MTAP: variants seen among roughly 807,000 people sequenced by gnomAD.
MTAP encodes the protein S-methyl-5'-thioadenosine phosphorylase.
MTAP carries 33 observed loss-of-function variants against 33.6 expected under a neutral mutation model. The observed-to-expected ratio is 0.98, with a 90% CI of 0.74 to 1.31. The LOEUF (loss-of-function observed/expected upper bound fraction) is 1.31. MTAP is among the 40% of genes most tolerant of loss of function. MTAP has a pLI of 0.00. For missense variants in MTAP, 367 were observed against 360.0 expected (o/e 1.02, Z -0.16); for synonymous variants, 148 against 125.7 (o/e 1.18, Z -1.19).
chr9:21,911,874 G>A (rs545438447), intron 1 of MTAP, among the ~76,000 whole-genome samples: 106 of 151,938 alleles, frequency 7.0e-4, no homozygotes, highest in Non-Finnish European at 1.3e-3. Context: ...CAAAATTGAT[G>A]GACCACTAGC....
chr9:21,918,329 G>T lies in MTAP; in HGVS notation c.148-12679G>T, dbSNP rs567214035. On this transcript the variant is annotated intron_variant, in intron 1 of 1. Coordinates refer to the MTAP transcript ENST00000577563. ...CCCGCCACTGCACTCCAGCCTGGGCGACAGAACGAGACTCCGTCTCAAAAA... is the reference window on the plus strand; with the variant it reads ...CCCGCCACTGCACTCCAGCCTGGGCTACAGAACGAGACTCCGTCTCAAAAA... 1.1e-3 allele frequency among the ~76,000 whole-genome samples: 107 copies of T among 93,120 alleles called. 7 individuals carry two copies. Among genetic ancestry groups the T allele is most frequent in the African/African-American group, 7.0e-3 (103 of 14,748 alleles). The allele number at this position is 93,120 out of a possible 152,430, so 61.1% of individuals were successfully genotyped here. A position where few individuals can be genotyped will look rare whatever the true frequency, so the allele number is the denominator to read the frequency against.
intron 2 of MTAP, among the ~76,000 whole-genome samples, chr9:21,816,283 A>G (rs1482707273): frequency 6.6e-6 from 1 of 152,110 alleles, no homozygotes; most frequent in Non-Finnish European, 1.5e-5. Flanking sequence ...AGTCATTTCC[A>G]TGATCATCTT....
chr9:21,822,508 T>C (rs1054602844), intron 4 of MTAP, among the ~76,000 whole-genome samples: 4 of 152,210 alleles, frequency 2.6e-5, no homozygotes, highest in African/African-American at 9.6e-5. Flanking sequence ...TTTGTTATAA[T>C]TTCTGTTCTT....
At chr9:21,914,827 A>T (rs1483847780) in intron 1 of MTAP, among the ~76,000 whole-genome samples, 6 of 151,716 alleles carry the variant, frequency 4.0e-5, no homozygotes, top group Non-Finnish European at 7.4e-5. Flanking sequence ...GGAATCATAT[A>T]GATAATATGG....
intron 5 of MTAP, among the ~76,000 whole-genome samples, chr9:21,841,111 G>A (rs942360159): frequency 1.3e-5 from 2 of 152,174 alleles, no homozygotes; most frequent in African/African-American, 4.8e-5. Context: ...CCCAAGAAGA[G>A]TCTGAGCCCA....
chr9:21,813,122 T>C (rs1206456208), intron 1 of MTAP, among the ~76,000 whole-genome samples: 1 of 152,222 alleles, frequency 6.6e-6, no homozygotes, highest in East Asian at 1.9e-4. Context: ...CCATCAGTGC[T>C]TGGGTACTTC....
chr9:21,851,265 T>G (rs1374384977), intron 5 of MTAP, among the ~76,000 whole-genome samples: 3 of 152,224 alleles, frequency 2.0e-5, no homozygotes, highest in Admixed American at 2.0e-4. Flanking sequence ...AAGAAGGTAG[T>G]CATCGATACC....
chr9:21,823,909 G>C (rs1326097684), intron 4 of MTAP, among the ~76,000 whole-genome samples: 1 of 152,172 alleles, frequency 6.6e-6, no homozygotes. Context: ...CGGCTACTGA[G>C]GCTTGTGCAT....
At chr9:21,870,986 G>T (rs1157291743), downstream of MTAP, among the ~76,000 whole-genome samples, 1 of 151,892 alleles carries the variant, frequency 6.6e-6, no homozygotes, top group East Asian at 1.9e-4. Context: ...GGCCAGGCTG[G>T]TCTCAAACTC....
intron 1 of MTAP, among the ~76,000 whole-genome samples, chr9:21,915,057 T>G: frequency 8.8e-6 from 1 of 113,560 alleles, no homozygotes; most frequent in South Asian, 3.3e-4. Context: ...CCTTCCTTCC[T>G]TTCTTTCTTT....
chr9:21,818,223 C>T, intron 4 of MTAP, 21 bp downstream of exon 4: 1 of 1,582,092 alleles, frequency 6.3e-7, no homozygotes. Flanking sequence ...ATACAAAATG[C>T]TTTAGGCTAT....
At chr9:21,809,172 G>T (rs1824282776) in intron 1 of MTAP, among the ~76,000 whole-genome samples, 1 of 152,034 alleles carries the variant, frequency 6.6e-6, no homozygotes, top group African/African-American at 2.4e-5. Context: ...TTGCCTCCTT[G>T]TGATTTCATT....
At chr9:21,810,849 A>G (rs1051895815) in intron 1 of MTAP, among the ~76,000 whole-genome samples, 1 of 152,182 alleles carries the variant, frequency 6.6e-6, no homozygotes, top group African/African-American at 2.4e-5. Flanking sequence ...CTTGTCAGAG[A>G]TGGAGACCCC....
chr9:21,831,515 T>TG (rs1221646637), intron 4 of MTAP, among the ~76,000 whole-genome samples: 1 of 151,622 alleles, frequency 6.6e-6, no homozygotes, highest in Non-Finnish European at 1.5e-5. Context: ...TTTAAGGAGA[T>TG]GGGGTCTCAC....
chr9:21,920,199 A>G (rs1318609441), intron 1 of MTAP, among the ~76,000 whole-genome samples: 1 of 152,132 alleles, frequency 6.6e-6, no homozygotes. Flanking sequence ...TCTTTTAGAA[A>G]GGAGGGAGTA....
At chr9:21,802,984 CA>C (rs1411882490) in intron 1 of MTAP, 1 of 460,746 alleles carries the variant, frequency 2.2e-6, no homozygotes, top group South Asian at 2.8e-5. Flanking sequence ...GCCGCACCGC[CA>C]ACACACACAC....
intron 1 of MTAP, among the ~76,000 whole-genome samples, chr9:21,918,593 C>T (rs931724137): frequency 3.3e-5 from 5 of 152,078 alleles, no homozygotes; most frequent in African/African-American, 1.2e-4. Context: ...GCTGCATCCT[C>T]GCCCAAATCT....
In MTAP at chr9:21,865,999, C is replaced by A; in HGVS notation, c.*3985C>A. ...ACAAGTCTTTTTGTGAACATATTTT[C>A]ACTTGTGCAAATGCCTATACTCCCA... On this transcript the variant is annotated 3_prime_UTR_variant, in exon 8 of 8. Coordinates refer to ENST00000644715, the MANE Select transcript of MTAP (RefSeq NM_002451.4). 1 of 169,014 alleles carries A rather than the reference C, an allele frequency of 5.9e-6. No homozygotes were observed. The highest frequency in any genetic ancestry group is 1.2e-5 in the Non-Finnish European group (1 of 83,088). The allele number at this position is 169,014 out of a possible 1,614,324, so 10.5% of individuals were successfully genotyped here. A position where few individuals can be genotyped will look rare whatever the true frequency, so the allele number is the denominator to read the frequency against.
intron 1 of MTAP, among the ~76,000 whole-genome samples, chr9:21,910,705 A>G (rs1392845435): frequency 4.6e-5 from 7 of 152,186 alleles, no homozygotes; most frequent in South Asian, 2.1e-4. Flanking sequence ...TATAATTCAC[A>G]TATCATAAAG....
Sources: allele counts gnomAD v4.1 joint callset (sites outside exome capture counted in the v4.1 genomes callset), GRCh38; gene constraint gnomAD v4.1.1; transcripts MANE v1.5; gene names NCBI Gene and HGNC (gene_info 2026-07-23, HGNC 2026-07-21).